PTPRO: variants seen among roughly 807,000 people sequenced by gnomAD.
The protein encoded by PTPRO is receptor-type tyrosine-protein phosphatase O.
Under a neutral mutation model 145.2 loss-of-function variants are expected in PTPRO, and 62 were observed. The observed-to-expected ratio is 0.43, with a 90% CI of 0.35 to 0.53. The LOEUF (loss-of-function observed/expected upper bound fraction) is 0.53. Among genes scored for constraint, PTPRO ranks in the 20% least tolerant of loss-of-function variants. The pLI, the probability that PTPRO is intolerant of heterozygous loss-of-function variation, is 0.01. For missense variants in PTPRO, 1,345 were observed against 1,482.7 expected (o/e 0.91, Z 1.53); for synonymous variants, 565 against 514.7 (o/e 1.10, Z -1.32).
intron 8 of PTPRO, among the ~76,000 whole-genome samples, chr12:15,516,490 AG>A (rs1942594374): frequency 6.9e-6 from 1 of 144,388 alleles, no homozygotes; most frequent in African/African-American, 2.6e-5. Flanking sequence ...AGAGAGAGAA[AG>A]GAAAGAAAGA....
At chr12:15,398,724 A>C (rs934570852) in intron 1 of PTPRO, among the ~76,000 whole-genome samples, 3 of 151,998 alleles carry the variant, frequency 2.0e-5, no homozygotes, top group Non-Finnish European at 4.4e-5. Flanking sequence ...ATTCAAGTAG[A>C]TCTTCAATGA....
intron 12 of PTPRO, among the ~76,000 whole-genome samples, chr12:15,531,954 G>A (rs574755004): frequency 2.6e-5 from 4 of 152,162 alleles, no homozygotes; most frequent in South Asian, 4.2e-4. Flanking sequence ...AGACTAATTC[G>A]TGGTTGTTTT....
At position 15,554,583 on chromosome 12, in the gene PTPRO, T is replaced by C. The variant is rs1431644144; in HGVS notation, c.2559-2872T>C. Among the ~76,000 whole-genome samples, 2 of 152,224 alleles carry C rather than the reference T, an allele frequency of 1.3e-5. 1 individual carries two copies. The highest frequency in any genetic ancestry group is 3.9e-4 in the East Asian group (2 of 5,178). ...AAACTGAAGAACTTGGAGTCCAATG[T>C]TGAAGGGCAGGAAGCGTCCAGCACA... is the stretch of plus-strand genomic sequence containing the variant. On this transcript the variant is annotated intron_variant, in intron 15 of 26. Coordinates refer to ENST00000281171, the MANE Select transcript of PTPRO (RefSeq NM_030667.3).
At chr12:15,523,394 A>C (rs978096488) in intron 10 of PTPRO, among the ~76,000 whole-genome samples, 1 of 152,230 alleles carries the variant, frequency 6.6e-6, no homozygotes, top group Non-Finnish European at 1.5e-5. Flanking sequence ...TACTTTAAAA[A>C]GGTAATTAAA....
chr12:15,560,189 A>C lies in PTPRO; in HGVS notation c.2628-4A>C. 6.4e-7 allele frequency: 1 copy of C among 1,573,470 alleles called. No homozygotes were observed. Among genetic ancestry groups the C allele is most frequent in the Non-Finnish European group, 8.7e-7 (1 of 1,143,460 alleles). The stretch of plus-strand genomic sequence containing the variant: ...TTCCATCTGTTGTCTATTAATGCAC[A>C]CAGGCGTAGGAGTATATTTGCTTTC... On this transcript the variant is annotated splice_polypyrimidine_tract_variant and splice_region_variant and intron_variant, in intron 16 of 26. Transcript: ENST00000281171.
At chr12:15,550,951 G>T (rs1489530809) in intron 14 of PTPRO, among the ~76,000 whole-genome samples, 1 of 152,110 alleles carries the variant, frequency 6.6e-6, no homozygotes, top group Non-Finnish European at 1.5e-5. Flanking sequence ...GTTCTTCAGG[G>T]CCCTACAACC....
intron 1 of PTPRO, chr12:15,440,336 C>A (rs1052355053): frequency 4.3e-6 from 2 of 460,212 alleles, no homozygotes; most frequent in Non-Finnish European, 7.8e-6. Context: ...ATTCACTGAG[C>A]ACTTCTTCAA....
chr12:15,497,033 C>A (rs1370276190), intron 2 of PTPRO, among the ~76,000 whole-genome samples: 3 of 152,128 alleles, frequency 2.0e-5, no homozygotes, highest in Non-Finnish European at 2.9e-5. Context: ...TGTAAAAGTT[C>A]TTCAAAAAGC....
rs1443369488 is a variant in PTPRO, at chr12:15,567,100, G to A, written c.2747+1472G>A. ...AGGCAAAGAAAAGAAGGAGAAGCAA[G>A]ACCCAGACAAAAGATAGGGTAGAGA... On this transcript the variant is annotated intron_variant, in intron 18 of 26. Coordinates refer to ENST00000281171, the MANE Select transcript of PTPRO (RefSeq NM_030667.3). Among the ~76,000 whole-genome samples, 3 of 152,246 alleles carry A rather than the reference G, an allele frequency of 2.0e-5. No homozygotes were observed. In the South Asian group the frequency reaches 6.2e-4, roughly 32 times the overall value.
chr12:15,528,926 T>C (rs899331148), intron 12 of PTPRO, among the ~76,000 whole-genome samples: 1 of 152,042 alleles, frequency 6.6e-6, no homozygotes, highest in East Asian at 1.9e-4. Context: ...GTCCTTCAAA[T>C]ATGAAGGAAA....
At chr12:15,433,656 C>T (rs1940514523) in intron 1 of PTPRO, among the ~76,000 whole-genome samples, 1 of 152,120 alleles carries the variant, frequency 6.6e-6, no homozygotes, top group South Asian at 2.1e-4. Flanking sequence ...TGTTGAAGAT[C>T]AGATGGATGT....
chr12:15,372,450 T>G (rs1452669629), intron 1 of PTPRO, among the ~76,000 whole-genome samples: 1 of 152,148 alleles, frequency 6.6e-6, no homozygotes, highest in Non-Finnish European at 1.5e-5. Context: ...CAAAACCCAG[T>G]CCCTCTTGTT....
At chr12:15,406,049 ATT>A (rs1421961202) in intron 1 of PTPRO, among the ~76,000 whole-genome samples, 2 of 152,218 alleles carry the variant, frequency 1.3e-5, no homozygotes, top group African/African-American at 4.8e-5. Flanking sequence ...ATTATTTTAT[ATT>A]AATCTGTGGT....
intron 7 of PTPRO, among the ~76,000 whole-genome samples, chr12:15,512,949 G>A (rs973261673): frequency 2.0e-5 from 3 of 151,600 alleles, no homozygotes; most frequent in South Asian, 2.1e-4. Context: ...AGCCAAGATC[G>A]TGCCACTGCA....
Position 15,503,226 on chromosome 12 carries a change from G to T in PTPRO, c.1106-682G>T, listed in dbSNP as rs1233799925. 3.3e-5 allele frequency among the ~76,000 whole-genome samples: 5 copies of T among 151,978 alleles called. No individual in the cohort carries two copies. In the East Asian group the frequency reaches 9.7e-4, roughly 29 times the overall value. On this transcript the variant is annotated intron_variant, in intron 5 of 26. Coordinates refer to ENST00000281171, the MANE Select transcript of PTPRO (RefSeq NM_030667.3). ...CCTCTTCTCATGAAGGTTCTATTAT[G>T]CATTTATCTGACTCAGTGTCTTCTT...
chr12:15,546,443 T>A, intron 12 of PTPRO, 126 bp from the exon 13 acceptor site: 1 of 1,499,292 alleles, frequency 6.7e-7, no homozygotes, highest in Non-Finnish European at 8.9e-7. Context: ...AAAGGCAATA[T>A]AAAGTCTTTA....
chr12:15,418,235 T>G (rs1416331490), intron 1 of PTPRO, among the ~76,000 whole-genome samples: 1 of 151,824 alleles, frequency 6.6e-6, no homozygotes, highest in Non-Finnish European at 1.5e-5. Flanking sequence ...CTTGCTGCAG[T>G]GTGAATGTGG....
At chr12:15,359,651 G>C (rs1047448468) in intron 1 of PTPRO, among the ~76,000 whole-genome samples, 1 of 151,794 alleles carries the variant, frequency 6.6e-6, no homozygotes, top group Non-Finnish European at 1.5e-5. Context: ...ACAAACTCTT[G>C]TGTGCGGATC....
intron 1 of PTPRO, among the ~76,000 whole-genome samples, chr12:15,426,053 A>G (rs1418843967): frequency 6.6e-6 from 1 of 151,614 alleles, no homozygotes; most frequent in Non-Finnish European, 1.5e-5. Context: ...TTTTCATACT[A>G]GAATATAGGG....
Sources: gnomAD v4.1 joint callset for allele counts (sites outside exome capture counted in the v4.1 genomes callset) on GRCh38, gnomAD v4.1.1 for gene constraint, MANE v1.5 for transcripts, NCBI Gene and HGNC (gene_info 2026-07-23, HGNC 2026-07-21) for gene names.